ZNF160: variants seen among roughly 807,000 people sequenced by gnomAD.
The protein encoded by ZNF160 is KRAB zinc finger protein KR18.
In ZNF160, 9 loss-of-function variants were observed where a neutral mutation model predicts 13.1. The ratio of observed to expected loss-of-function variants is 0.69; its 90% confidence interval spans 0.41 to 1.20. The LOEUF is 1.20. Ranked by LOEUF, ZNF160 falls within the 50% of genes most tolerant of loss-of-function variation. The pLI, the probability that ZNF160 is intolerant of heterozygous loss-of-function variation, is 0.01. For missense variants in ZNF160, 838 were observed against 988.0 expected (o/e 0.85, Z 2.04); for synonymous variants, 293 against 333.2 (o/e 0.88, Z 1.31).
At chr19:53,100,147 T>G (rs928558558) in intron 1 of ZNF160, among the ~76,000 whole-genome samples, 7 of 152,154 alleles carry the variant, frequency 4.6e-5, no homozygotes, top group Admixed American at 3.3e-4. Context: ...CTCAGCAAAT[T>G]TTTTCATGAA....
At position 53,091,382 on chromosome 19, in the gene ZNF160, C is replaced by G. The variant is rs560037814; in HGVS notation, c.-46+31G>C. The G allele has an allele frequency of 5.9e-5, 9 of 152,256 alleles. No individual in the cohort carries two copies. In the South Asian group the frequency reaches 1.9e-3, roughly 32 times the overall value. The allele number at this position is 152,256 out of a possible 1,614,324, so 9.4% of individuals were successfully genotyped here. On this transcript the variant is annotated intron_variant, in intron 2 of 5. Coordinates refer to ENST00000683776, the MANE Select transcript of ZNF160 (RefSeq NM_001322131.2). ...CTGGATGTGCAGGAGCCTGGGAAGC[C>G]CAAGTTTAACCTAAACAGAGGGAAA...
intron 1 of ZNF160, among the ~76,000 whole-genome samples, chr19:53,102,442 C>A (rs906122761): frequency 2.6e-5 from 4 of 152,176 alleles, no homozygotes; most frequent in Non-Finnish European, 2.9e-5. Context: ...CTCCTCTCCC[C>A]CACTCTCTGT....
rs767040076 is a variant in ZNF160, at chr19:53,068,994, A to G, written c.1540T>C (p.Cys514Arg). 8 of 1,614,138 alleles carry G rather than the reference A, an allele frequency of 5.0e-6. No individual in the cohort carries two copies. Among genetic ancestry groups the G allele is most frequent in the Non-Finnish European group, 6.8e-6 (8 of 1,180,034 alleles). ...GAACGAACACTGAAGGCTTTCCCAC[A>G]CTCATTACACTTGTAAGGTTTCTCT... ...TGEKPYKCNE[C>R]GKAFSVRSSL... The change falls in exon 6 of 6, where the codon TGT becomes CGT. Residue 514 changes from cysteine (C) to arginine (R), a missense_variant. By Grantham distance (180) the Cys-to-Arg change is radical (BLOSUM62 -3). Around this residue, in one of 3 missense-constraint regions of ZNF160, gnomAD observed 400 missense variants for 538.9 expected, o/e 0.74. Transcript: ENST00000683776.
rs1157023454 is a variant in ZNF160 at position 53,069,287 on chromosome 19, T to C, written c.1247A>G (p.Gln416Arg). The part of the protein sequence containing the change: ...FSVRSSLAIH[Q>R]TIHTGEKPYK... ...AGGTTTTTCTCCAGTGTGGATTGTC[T>C]GATGGATTGCTAGGCTTGAACGAAC... is the stretch of plus-strand genomic sequence containing the variant. Residue 416 changes from glutamine (Q) to arginine (R), a missense_variant, in exon 6 of 6, where the codon CAG becomes CGG. By Grantham distance (43) the Gln-to-Arg change is conservative (BLOSUM62 1). This residue lies in a region of ZNF160 where 400 missense variants were observed against 538.9 expected (regional missense o/e 0.74). Coordinates refer to ENST00000683776, the MANE Select transcript of ZNF160 (RefSeq NM_001322131.2). The surrounding 1 kb of genome is among the most constrained non-coding windows in gnomAD (Gnocchi z 4.4). 2 of 1,613,984 alleles carry C rather than the reference T, an allele frequency of 1.2e-6. No individual in the cohort carries two copies. Among genetic ancestry groups the C allele is most frequent in the East Asian group, 2.2e-5 (1 of 44,878 alleles).
intron 1 of ZNF160, among the ~76,000 whole-genome samples, chr19:53,100,462 T>C (rs2085402273): frequency 6.6e-6 from 1 of 151,784 alleles, no homozygotes; most frequent in African/African-American, 2.4e-5. Context: ...TACAAAAAAT[T>C]TGCCGGGCGT....
chr19:53,084,418 C>A (rs1011001762), intron 3 of ZNF160, among the ~76,000 whole-genome samples: 5 of 152,306 alleles, frequency 3.3e-5, no homozygotes, highest in African/African-American at 1.2e-4. Flanking sequence ...TTCTACCAGA[C>A]CTTGCTCTTG....
chr19:53,077,594 G>A (rs1452327618), intron 3 of ZNF160, among the ~76,000 whole-genome samples: 3 of 150,668 alleles, frequency 2.0e-5, no homozygotes, highest in African/African-American at 4.9e-5. Context: ...GCTTGAACCC[G>A]GGAGGTGGAG....
At chr19:53,083,374 C>T (rs1027463177) in intron 3 of ZNF160, among the ~76,000 whole-genome samples, 4 of 152,130 alleles carry the variant, frequency 2.6e-5, no homozygotes, top group South Asian at 2.1e-4. Flanking sequence ...AAAGACAACA[C>T]TTAGGAAACT....
At chr19:53,090,282 C>T (rs976612018) in intron 2 of ZNF160, among the ~76,000 whole-genome samples, 5 of 152,200 alleles carry the variant, frequency 3.3e-5, no homozygotes, top group Non-Finnish European at 7.4e-5. Flanking sequence ...TCTTGCTGTC[C>T]TTCATCTCTC....
rs1454553203 is a variant in ZNF160, at chr19:53,067,890, C to G, written c.*187G>C. ...GATATAAATCTTGATGCCTAGTAAC[C>G]TGCGAGGCCTGGATAGACCCTCTGC... On this transcript the variant is annotated 3_prime_UTR_variant, in exon 6 of 6. Coordinates refer to ENST00000683776, the MANE Select transcript of ZNF160 (RefSeq NM_001322131.2). 1 of 685,960 alleles carries G rather than the reference C, an allele frequency of 1.5e-6. No individual in the cohort carries two copies. Among genetic ancestry groups the G allele is most frequent in the Non-Finnish European group, 2.3e-6 (1 of 444,442 alleles). The allele number at this position is 685,960 out of a possible 1,614,324, so 42.5% of individuals were successfully genotyped here.
rs1319062642 is a variant in ZNF160, at chr19:53,067,978, T to A, written c.*99A>T. On this transcript the variant is annotated 3_prime_UTR_variant, in exon 6 of 6. Coordinates refer to ENST00000683776, the MANE Select transcript of ZNF160 (RefSeq NM_001322131.2). The stretch of plus-strand genomic sequence containing the variant: ...TCATATCTATTAATGCTTCAACTCA[T>A]GAGGGATTGGCCACTGTCACTACAT... The A allele has an allele frequency of 2.0e-6, 3 of 1,472,796 alleles. No individual in the cohort carries two copies. Among genetic ancestry groups the A allele is most frequent in the Non-Finnish European group, 2.7e-6 (3 of 1,095,392 alleles). 91.2% of individuals were successfully genotyped at this position (1,472,796 alleles called of 1,614,324 possible). A position where few individuals can be genotyped will look rare whatever the true frequency, so the allele number is the denominator to read the frequency against.
At chr19:53,078,954 C>T (rs902388343) in intron 3 of ZNF160, among the ~76,000 whole-genome samples, 18 of 152,200 alleles carry the variant, frequency 1.2e-4, no homozygotes, top group East Asian at 3.9e-4. Context: ...TTGTATGATA[C>T]CACCCTTAGT....
chr19:53,069,827 T>C lies in ZNF160; in HGVS notation c.707A>G (p.His236Arg). The C allele has an allele frequency of 6.2e-7, 1 of 1,614,168 alleles. No homozygotes were observed. The highest frequency in any genetic ancestry group is 8.5e-7 in the Non-Finnish European group (1 of 1,180,018). Residue 236 changes from histidine (H) to arginine (R), a missense_variant, in exon 6 of 6, where the codon CAT (histidine) becomes CGT (arginine). Coordinates refer to ENST00000683776, the MANE Select transcript of ZNF160 (RefSeq NM_001322131.2). This position sits in a 1 kb window ranked among gnomAD's most constrained non-coding sequence, Gnocchi z 4.4. ...GAGTAATGAAAAATGGTTAAGTTCA[T>C]GATATTTTTTAGACCTGTGGGTTTG... Reference protein sequence around the residue: ...SVQTHRSKKYHELNHFSLLTQ... With the variant: ...SVQTHRSKKYRELNHFSLLTQ...
In ZNF160 at chr19:53,067,662, A is replaced by T. The variant is rs1368354980; in HGVS notation, c.*415T>A. The T allele has an allele frequency of 6.3e-6, 1 of 158,330 alleles. No individual in the cohort carries two copies. Among genetic ancestry groups the T allele is most frequent in the East Asian group, 1.9e-4 (1 of 5,292 alleles). 9.8% of individuals were successfully genotyped at this position (158,330 alleles called of 1,614,324 possible). Reference sequence around the variant, plus strand: ...ATAAGGTGAAGGTAACTGACTGCCTACAAATATCCTGCAACCTTTTCGTAT... The same window carrying T: ...ATAAGGTGAAGGTAACTGACTGCCTTCAAATATCCTGCAACCTTTTCGTAT... On this transcript the variant is annotated 3_prime_UTR_variant, in exon 6 of 6. Coordinates refer to ENST00000683776, the MANE Select transcript of ZNF160 (RefSeq NM_001322131.2).
In ZNF160 at chr19:53,070,188, C is replaced by T. The variant is rs2084115768; in HGVS notation, c.346G>A (p.Val116Met). The change falls in exon 6 of 6, where the codon GTG (valine) becomes ATG (methionine). Residue 116 changes from valine (V) to methionine (M), a missense_variant. Coordinates refer to ENST00000683776, the MANE Select transcript of ZNF160 (RefSeq NM_001322131.2). ...KSSTEAVFHT[V>M]VLERHESPDI... The stretch of plus-strand genomic sequence containing the variant: ...GGGCTTTCGTGTCTTTCCAACACCA[C>T]TGTGTGGAATACTGCTTCTGTACTG... 1 of 1,613,946 alleles carries T rather than the reference C, an allele frequency of 6.2e-7. No homozygotes were observed. The highest frequency in any genetic ancestry group is 8.5e-7 in the Non-Finnish European group (1 of 1,179,996).
rs781042764 is a variant in ZNF160 at position 53,075,070 on chromosome 19, G to C, written c.129C>G (p.Asn43Lys). 1 of 1,613,992 alleles carries C rather than the reference G, an allele frequency of 6.2e-7. No individual in the cohort carries two copies. The highest frequency in any genetic ancestry group is 1.1e-5 in the South Asian group (1 of 91,086). Residue 43 changes from asparagine (N) to lysine (K), a missense_variant, in exon 4 of 6, where the codon AAC (asparagine) becomes AAG (lysine). By Grantham distance (94) the Asn-to-Lys change is moderately conservative. Around this residue, in one of 3 missense-constraint regions of ZNF160, gnomAD observed 387 missense variants for 402.3 expected, o/e 0.96. Transcript: ENST00000683776. ...YRDVMLENYWNLVSLGLCHFD... is the reference protein window; with the variant it reads ...YRDVMLENYWKLVSLGLCHFD... Reference sequence around the variant, plus strand: ...AGTCATCCTCACCCAGAGAAACAAGGTTCCAGTAGTTCTCCAACATCACGT... The same window carrying C: ...AGTCATCCTCACCCAGAGAAACAAGCTTCCAGTAGTTCTCCAACATCACGT...
Position 53,072,839 on chromosome 19 carries a change from G to A in ZNF160, c.271+1301C>T, listed in dbSNP as rs868197837. 28 of 632,436 alleles carry A rather than the reference G, an allele frequency of 4.4e-5. No individual in the cohort carries two copies. In the South Asian group the frequency reaches 1.1e-3, roughly 25 times the overall value. The allele number at this position is 632,436 out of a possible 1,614,324, so 39.2% of individuals were successfully genotyped here. Reference sequence around the variant, plus strand: ...GCACTCCAGCCTGGGCAACAAGAGCGAAACTTCATTTAAAAAAAAAATTAT... The same window carrying A: ...GCACTCCAGCCTGGGCAACAAGAGCAAAACTTCATTTAAAAAAAAAATTAT... On this transcript the variant is annotated intron_variant, in intron 5 of 5. Coordinates refer to ENST00000683776, the MANE Select transcript of ZNF160 (RefSeq NM_001322131.2).
intron 5 of ZNF160, among the ~76,000 whole-genome samples, chr19:53,073,713 A>T (rs1414794406): frequency 6.6e-6 from 1 of 152,196 alleles, no homozygotes; most frequent in Non-Finnish European, 1.5e-5. Context: ...ATCATGATAA[A>T]GACTTTGCCT....
chr19:53,095,999 T>C (rs2085220088), intron 1 of ZNF160, among the ~76,000 whole-genome samples: 1 of 152,058 alleles, frequency 6.6e-6, no homozygotes, highest in Admixed American at 6.5e-5. Flanking sequence ...GGGCAGATCA[T>C]ATGAAGTCAG....
Sources: allele counts gnomAD v4.1 joint callset (sites outside exome capture counted in the v4.1 genomes callset), GRCh38; gene constraint gnomAD v4.1.1; regional missense constraint gnomAD v4.1.1; non-coding constraint Gnocchi (gnomAD v3.1); transcripts MANE v1.5; gene names NCBI Gene and HGNC (gene_info 2026-07-23, HGNC 2026-07-21).